The following LRBA variants were observed in gnomAD, a reference collection of about 807,000 sequenced individuals.
LRBA encodes lipopolysaccharide-responsive and beige-like anchor protein.
LRBA carries 176 observed loss-of-function variants against 330.0 expected under a neutral mutation model. That is an observed-to-expected ratio of 0.53 (90% confidence interval 0.47 to 0.60). LRBA has a LOEUF of 0.60. Ranked by LOEUF, LRBA falls within the 20% of genes least tolerant of loss-of-function variation. LRBA has a pLI of 0.00. For missense variants in LRBA, 3,259 were observed against 3,444.8 expected (o/e 0.95, Z 1.35); for synonymous variants, 1,230 against 1,193.0 (o/e 1.03, Z -0.64).
chr4:150,928,767 G>C (rs2149508627), intron 3 of LRBA, 67 bp downstream of exon 3: 1 of 1,421,096 alleles, frequency 7.0e-7, no homozygotes, highest in East Asian at 2.4e-5. Context: ...AATGGAATAA[G>C]AAAAATATGT....
Position 150,929,027 on chromosome 4 carries a change from A to G in LRBA, c.255T>C (p.Ile85=). 1 of 1,613,494 alleles carries G rather than the reference A, an allele frequency of 6.2e-7. No individual in the cohort carries two copies. Among genetic ancestry groups the G allele is most frequent in the Non-Finnish European group, 8.5e-7 (1 of 1,179,846 alleles). The change falls in exon 3 of 57, where the codon ATT becomes ATC. Residue 85 remains isoleucine (I), a synonymous_variant. Coordinates refer to ENST00000651943, the MANE Select transcript of LRBA (RefSeq NM_001364905.1). ...GGQFDLEMNF[I]IQEGESINCM... ...AGTTAATACTCTCACCTTCTTGGAT[A>G]ATGAAATTCATTTCCAGATCAAACT...
chr4:150,271,287 G>A (rs1051184596), intron 56 of LRBA, among the ~76,000 whole-genome samples: 26 of 152,008 alleles, frequency 1.7e-4, no homozygotes, highest in Admixed American at 1.6e-3. Flanking sequence ...GCGGCCGTTT[G>A]GGTAGACACT....
chr4:150,814,825 C>T (rs1578870603), intron 31 of LRBA, among the ~76,000 whole-genome samples: 1 of 151,894 alleles, frequency 6.6e-6, no homozygotes, highest in Non-Finnish European at 1.5e-5. Context: ...ATGTAACAGT[C>T]TTCAAGATAG....
intron 30 of LRBA, among the ~76,000 whole-genome samples, chr4:150,826,017 G>A (rs1046814894): frequency 3.3e-5 from 5 of 152,126 alleles, no homozygotes; most frequent in African/African-American, 4.8e-5. Context: ...TGCACTTTTT[G>A]TGAAATATCT....
intron 34 of LRBA, among the ~76,000 whole-genome samples, chr4:150,772,027 T>A (rs987186403): frequency 6.6e-6 from 1 of 152,212 alleles, no homozygotes; most frequent in Non-Finnish European, 1.5e-5. Context: ...AAACTTTTTT[T>A]GTCAACAATT....
intron 55 of LRBA, among the ~76,000 whole-genome samples, chr4:150,280,887 C>G (rs1272698006): frequency 6.6e-6 from 1 of 152,176 alleles, no homozygotes; most frequent in Non-Finnish European, 1.5e-5. Context: ...TTTAATCACA[C>G]AGTTGCCACT....
intron 36 of LRBA, among the ~76,000 whole-genome samples, chr4:150,701,302 A>AT (rs943520697): frequency 3.3e-5 from 5 of 151,546 alleles, no homozygotes; most frequent in South Asian, 2.1e-4. Context: ...TACAGTTAAC[A>AT]TTTTTTTTTA....
intron 40 of LRBA, among the ~76,000 whole-genome samples, chr4:150,559,972 A>C (rs1194346621): frequency 1.7e-5 from 2 of 119,726 alleles, no homozygotes; most frequent in Non-Finnish European, 3.3e-5. Flanking sequence ...ATATATATTT[A>C]TATAAAATAA....
At position 150,266,205 on chromosome 4, in the gene LRBA, T is replaced by C. The variant is rs1745306027; in HGVS notation, c.8469-393A>G. On this transcript the variant is annotated intron_variant, in intron 56 of 56. Coordinates refer to ENST00000651943, the MANE Select transcript of LRBA (RefSeq NM_001364905.1). Reference sequence around the variant, plus strand: ...AAAAGAAGGAACCACAATCTCAAAGTAACTGCTGGTGGAAAGAAGCAGCAC... The same window carrying C: ...AAAAGAAGGAACCACAATCTCAAAGCAACTGCTGGTGGAAAGAAGCAGCAC... 2.0e-5 allele frequency among the ~76,000 whole-genome samples: 3 copies of C among 152,252 alleles called. No homozygotes were observed. The South Asian group carries it at 6.2e-4, about 32-fold the overall frequency.
intron 56 of LRBA, among the ~76,000 whole-genome samples, chr4:150,270,842 G>A (rs1288953503): frequency 6.6e-6 from 1 of 152,080 alleles, no homozygotes; most frequent in Non-Finnish European, 1.5e-5. Context: ...CAGAGATAAA[G>A]GCATTTTACA....
At chr4:150,919,949 T>A (rs1421396063) in intron 5 of LRBA, among the ~76,000 whole-genome samples, 1 of 152,204 alleles carries the variant, frequency 6.6e-6, no homozygotes, top group Non-Finnish European at 1.5e-5. Flanking sequence ...AACACTTTTT[T>A]TAATGTTAGA....
intron 47 of LRBA, among the ~76,000 whole-genome samples, chr4:150,396,480 T>TCTCACA (rs1554016741): frequency 1.0e-4 from 15 of 145,774 alleles, no homozygotes; most frequent in Non-Finnish European, 2.0e-4. Context: ...AAATCTCATC[T>TCTCACA]CACACACACA....
intron 40 of LRBA, among the ~76,000 whole-genome samples, chr4:150,531,152 G>T (rs1049467375): frequency 6.6e-6 from 1 of 152,088 alleles, no homozygotes; most frequent in Non-Finnish European, 1.5e-5. Flanking sequence ...GTCCTCATTG[G>T]CATATCTCCA....
chr4:150,837,176 C>A (rs1748240569), intron 28 of LRBA, among the ~76,000 whole-genome samples: 1 of 152,170 alleles, frequency 6.6e-6, no homozygotes, highest in Non-Finnish European at 1.5e-5. Flanking sequence ...GTTATAATTT[C>A]TGTTCTTTTA....
At chr4:150,281,615 C>T (rs777041053) in intron 55 of LRBA, among the ~76,000 whole-genome samples, 3 of 152,040 alleles carry the variant, frequency 2.0e-5, no homozygotes, top group Non-Finnish European at 4.4e-5. Flanking sequence ...GGGTAGAAGC[C>T]CCTGTGACCC....
intron 37 of LRBA, among the ~76,000 whole-genome samples, chr4:150,681,602 G>GTTTTTAAGA: frequency 6.6e-6 from 1 of 152,142 alleles, no homozygotes; most frequent in East Asian, 1.9e-4. Context: ...GTTTTTTAAT[G>GTTTTTAAGA]TAAGATGAGA....
intron 48 of LRBA, among the ~76,000 whole-genome samples, chr4:150,339,926 A>T (rs899722013): frequency 6.6e-6 from 1 of 150,976 alleles, no homozygotes; most frequent in Non-Finnish European, 1.5e-5. Context: ...AGTTCCCACA[A>T]TCCCCACATC....
chr4:150,373,172 T>TGTGTGA (rs1283762385), intron 47 of LRBA, among the ~76,000 whole-genome samples: 85 of 97,484 alleles, frequency 8.7e-4, no homozygotes, highest in East Asian at 1.4e-3. Flanking sequence ...TGTGTGTGTG[T>TGTGTGA]GAGAGAGAGA....
In LRBA at chr4:150,808,371, G is replaced by A; in HGVS notation, c.5333C>T (p.Pro1778Leu). The A allele has an allele frequency of 6.2e-7, 1 of 1,611,458 alleles. No individual in the cohort carries two copies. Among genetic ancestry groups the A allele is most frequent in the South Asian group, 1.1e-5 (1 of 90,744 alleles). The change falls in exon 32 of 57, where the codon CCC becomes CTC. Residue 1778 changes from proline to leucine, a missense_variant. Transcript: ENST00000651943. ...PGSRSSNAKL[P>L]SVPTVDSVSQ... is the part of the protein sequence containing the mutation. The stretch of plus-strand genomic sequence containing the variant: ...AACTGAATCAACTGTTGGAACTGAG[G>A]GCAATTTTGCATTAGATGATCTACT...
Sources: gnomAD v4.1 joint callset for allele counts (sites outside exome capture counted in the v4.1 genomes callset) on GRCh38, gnomAD v4.1.1 for gene constraint, MANE v1.5 for transcripts, NCBI Gene and HGNC (gene_info 2026-07-23, HGNC 2026-07-21) for gene names.